The following ANKFN1 variants were observed in gnomAD, a reference collection of about 807,000 sequenced individuals.
The protein encoded by ANKFN1 is ankyrin repeat and fibronectin type-III domain-containing protein 1.
ANKFN1 carries 74 observed loss-of-function variants against 108.7 expected under a neutral mutation model. The ratio of observed to expected loss-of-function variants is 0.68; its 90% CI spans 0.56 to 0.83. ANKFN1 has a LOEUF of 0.83. Ranked by LOEUF, ANKFN1 falls within the 40% of genes least tolerant of loss-of-function variation. The pLI is 0.00. For synonymous variants in ANKFN1, 547 were observed against 516.2 expected (o/e 1.06, Z -0.81); for missense variants, 1,505 against 1,382.3 (o/e 1.09, Z -1.41).
chr17:56,480,596 A>G, intron 16 of ANKFN1, 72 bp from the exon 17 acceptor site: 1 of 1,510,280 alleles, frequency 6.6e-7, no homozygotes, highest in Non-Finnish European at 9.1e-7. Flanking sequence ...CTGGACACAT[A>G]CACTAAGAAA....
At chr17:56,221,136 A>G (rs897994526) in intron 2 of ANKFN1, among the ~76,000 whole-genome samples, 3 of 152,058 alleles carry the variant, frequency 2.0e-5, no homozygotes, top group Non-Finnish European at 4.4e-5. Flanking sequence ...GAGAGAGAGC[A>G]TAAAGATGCC....
chr17:56,514,420 A>T lies in ANKFN1; in HGVS notation c.*3151A>T, dbSNP rs1302253883. 1.3e-5 allele frequency among the ~76,000 whole-genome samples: 2 copies of T among 152,306 alleles called. No individual in the cohort carries two copies. Among genetic ancestry groups the T allele is most frequent in the Admixed American group, 6.5e-5 (1 of 15,306 alleles). ...CTCCTCAGCCAGGCAGACATAGTGC[A>T]TGTTGGGCTACATCTTTGATTTCTT... On this transcript the variant is annotated 3_prime_UTR_variant, in exon 21 of 21. Coordinates refer to ENST00000682825, the MANE Select transcript of ANKFN1 (RefSeq NM_001370326.1).
intron 18 of ANKFN1, among the ~76,000 whole-genome samples, chr17:56,484,919 C>T (rs749865794): frequency 2.0e-5 from 3 of 152,140 alleles, no homozygotes; most frequent in South Asian, 2.1e-4. Context: ...ATACGTGACT[C>T]CTAAGGCCCT....
chr17:56,478,731 AAAAG>A (rs1324657549), intron 16 of ANKFN1, among the ~76,000 whole-genome samples: 5 of 152,154 alleles, frequency 3.3e-5, no homozygotes, highest in Admixed American at 1.3e-4. Flanking sequence ...CAAGAAAAAA[AAAAG>A]AAAGAAATTA....
chr17:56,141,916 T>C (rs1369569239), intron 4 of ANKFN1, among the ~76,000 whole-genome samples: 1 of 148,940 alleles, frequency 6.7e-6, no homozygotes, highest in Non-Finnish European at 1.5e-5. Context: ...TTCATAACGA[T>C]GGTGTACTTT....
In ANKFN1 at chr17:56,211,631, G is replaced by C. The variant is rs187713607; in HGVS notation, c.-70-967G>C. 7.2e-5 allele frequency among the ~76,000 whole-genome samples: 11 copies of C among 152,176 alleles called. No individual in the cohort carries two copies. In the East Asian group the frequency reaches 1.5e-3, roughly 21 times the overall value. Reference sequence around the variant, plus strand: ...ATGAATTTTAGGATTGATTTGTCTAGTTCTGTGAAGAACGATGGTGGCATT... The same window carrying C: ...ATGAATTTTAGGATTGATTTGTCTACTTCTGTGAAGAACGATGGTGGCATT... On this transcript the variant is annotated intron_variant, in intron 1 of 20. Transcript: ENST00000682825.
intron 4 of ANKFN1, among the ~76,000 whole-genome samples, chr17:56,133,661 C>A (rs952787693): frequency 6.6e-5 from 10 of 151,652 alleles, no homozygotes; most frequent in Non-Finnish European, 1.5e-4. Context: ...ATGTCATATG[C>A]CTCAGTCTGT....
chr17:56,243,078 T>TC (rs1917707730), intron 3 of ANKFN1, among the ~76,000 whole-genome samples: 2 of 152,162 alleles, frequency 1.3e-5, no homozygotes, highest in African/African-American at 4.8e-5. Context: ...ATTCAATTTT[T>TC]CTCATTTATG....
chr17:56,074,581 G>A (rs1045311401), intron 4 of ANKFN1, among the ~76,000 whole-genome samples: 20 of 152,182 alleles, frequency 1.3e-4, no homozygotes, highest in Non-Finnish European at 8.8e-5. Flanking sequence ...CCTGCTCCAC[G>A]AGCCTGAGAA....
At chr17:56,349,912 C>A (rs145008357) in intron 4 of ANKFN1, among the ~76,000 whole-genome samples, 13 of 152,244 alleles carry the variant, frequency 8.5e-5, no homozygotes, top group Non-Finnish European at 1.6e-4. Context: ...TTATTTCTCT[C>A]ATTCCTTTGT....
chr17:56,215,028 C>T (rs1445768546), intron 2 of ANKFN1, among the ~76,000 whole-genome samples: 1 of 152,180 alleles, frequency 6.6e-6, no homozygotes, highest in Admixed American at 6.5e-5. Context: ...AGGAAATCCA[C>T]TCACTTTTCC....
intron 1 of ANKFN1, among the ~76,000 whole-genome samples, chr17:56,163,063 A>G (rs1177282012): frequency 6.6e-6 from 1 of 151,972 alleles, no homozygotes; most frequent in Non-Finnish European, 1.5e-5. Flanking sequence ...AAGAAAAAAA[A>G]AAGAGTAATC....
At chr17:56,316,778 C>A (rs1470728700) in intron 3 of ANKFN1, among the ~76,000 whole-genome samples, 1 of 152,154 alleles carries the variant, frequency 6.6e-6, no homozygotes, top group Non-Finnish European at 1.5e-5. Context: ...AAATCACCAC[C>A]CACTGAGTGG....
intron 8 of ANKFN1, among the ~76,000 whole-genome samples, chr17:56,394,559 C>T (rs1337194794): frequency 6.6e-6 from 1 of 152,174 alleles, no homozygotes; most frequent in Non-Finnish European, 1.5e-5. Flanking sequence ...TCCCCTGCCC[C>T]CCAGCTACCG....
At chr17:56,478,783 T>C (rs1159204761) in intron 16 of ANKFN1, among the ~76,000 whole-genome samples, 1 of 152,126 alleles carries the variant, frequency 6.6e-6, no homozygotes, top group Admixed American at 6.5e-5. Flanking sequence ...ATAAACTAGA[T>C]ACTCCCAAAG....
intron 15 of ANKFN1, chr17:56,471,670 A>C (rs1426204702): frequency 6.6e-6 from 1 of 152,262 alleles, no homozygotes; most frequent in Non-Finnish European, 1.5e-5. Context: ...TGGGTAAACA[A>C]AATGTGGTAT....
intron 3 of ANKFN1, among the ~76,000 whole-genome samples, chr17:56,299,536 GCTTGCC>G (rs2044613030): frequency 6.6e-6 from 1 of 152,146 alleles, no homozygotes; most frequent in African/African-American, 2.4e-5. Context: ...ATACGACTTA[GCTTGCC>G]CAGGGGACTC....
chr17:56,379,124 C>T (rs570939021), intron 8 of ANKFN1, among the ~76,000 whole-genome samples: 3 of 152,244 alleles, frequency 2.0e-5, no homozygotes, highest in South Asian at 4.2e-4. Flanking sequence ...TCAGGCCGGG[C>T]GCGGTGGTTC....
chr17:56,458,788 C>A (rs1436348239), intron 14 of ANKFN1, among the ~76,000 whole-genome samples: 1 of 152,132 alleles, frequency 6.6e-6, no homozygotes, highest in East Asian at 1.9e-4. Flanking sequence ...GTTACATCAA[C>A]CCCAGAAATA....
Sources: allele counts gnomAD v4.1 joint callset (sites outside exome capture counted in the v4.1 genomes callset), GRCh38; gene constraint gnomAD v4.1.1; transcripts MANE v1.5; gene names NCBI Gene and HGNC (gene_info 2026-07-23, HGNC 2026-07-21).